Variants in LASP1NB observed in about 807,000 individuals in gnomAD.
LASP1NB encodes the protein LASP1 neighbor, also known as LASP1 neighbor protein.
chr17:38,928,246 G>A, the LASP1NB span: 1 of 151,952 alleles, frequency 6.6e-6, no homozygotes, highest in African/African-American at 2.4e-5. Flanking sequence ...AAGAATTCCA[G>A]ACCAGCCCAG....
At chr17:38,926,671 C>A in the LASP1NB span, 2 of 152,164 alleles carry the variant, frequency 1.3e-5, no homozygotes, top group Non-Finnish European at 2.9e-5. Context: ...TGGAGAACTG[C>A]TCAAAAATTC....
At chr17:38,926,921 T>C in the LASP1NB span, 1 of 152,166 alleles carries the variant, frequency 6.6e-6, no homozygotes, top group African/African-American at 2.4e-5. Context: ...GAAGAACTTG[T>C]CATTTGAGTT....
At chr17:38,927,704 T>G in the LASP1NB span, 4 of 152,108 alleles carry the variant, frequency 2.6e-5, no homozygotes, top group African/African-American at 9.7e-5. Context: ...AAACAAAAAT[T>G]GAGGCATTAT....
the LASP1NB span, chr17:38,928,276 G>C: frequency 2.0e-5 from 3 of 151,798 alleles, no homozygotes; most frequent in African/African-American, 4.8e-5. Flanking sequence ...CGAGACCCCC[G>C]TCTCCACAAA....
At chr17:38,929,158 CTT>C in the LASP1NB span, 2 of 152,078 alleles carry the variant, frequency 1.3e-5, no homozygotes, top group African/African-American at 4.8e-5. Context: ...AATTATATGA[CTT>C]TGTGCTTATA....
At chr17:38,929,308 T>C in the LASP1NB span, 11 of 152,312 alleles carry the variant, frequency 7.2e-5, no homozygotes, top group East Asian at 1.9e-4. Context: ...CTCTGTAATA[T>C]AAGATTTTGT....
the LASP1NB span, chr17:38,925,952 T>C: frequency 5.2e-6 from 2 of 387,000 alleles, no homozygotes; most frequent in South Asian, 1.4e-4. Flanking sequence ...CTATTTTTTT[T>C]CTTAGACCAC....
chr17:38,926,337 T>C, the LASP1NB span: 1 of 152,160 alleles, frequency 6.6e-6, no homozygotes, highest in African/African-American at 2.4e-5. Flanking sequence ...AACTGTGGGA[T>C]ATGGTGGAGA....
chr17:38,929,050 C>T, the LASP1NB span: 1 of 151,958 alleles, frequency 6.6e-6, no homozygotes, highest in Non-Finnish European at 1.5e-5. Flanking sequence ...TGATATATAC[C>T]ACTGGTATTG....
At chr17:38,929,053 T>A in the LASP1NB span, 1 of 152,210 alleles carries the variant, frequency 6.6e-6, no homozygotes, top group African/African-American at 2.4e-5. Context: ...TATATACCAC[T>A]GGTATTGGGT....
chr17:38,928,634 G>A, the LASP1NB span: 1 of 152,088 alleles, frequency 6.6e-6, no homozygotes, highest in Non-Finnish European at 1.5e-5. Context: ...ATACTGCATC[G>A]TGGTATGTAG....
At chr17:38,928,459 A>G in the LASP1NB span, 1 of 152,278 alleles carries the variant, frequency 6.6e-6, no homozygotes, top group Admixed American at 6.5e-5. Flanking sequence ...TTTTCTGAAT[A>G]TTCTTCCCAA....
At chr17:38,925,862 G>A in the LASP1NB span, 6 of 397,758 alleles carry the variant, frequency 1.5e-5, no homozygotes, top group South Asian at 3.9e-4. Flanking sequence ...CTGACGCACC[G>A]GTGGATTTTT....
chr17:38,928,902 T>C, the LASP1NB span: 2 of 152,236 alleles, frequency 1.3e-5, no homozygotes, highest in South Asian at 2.1e-4. Context: ...TATGATGGTA[T>C]AGATCTTTAA....
the LASP1NB span, chr17:38,925,694 A>G: frequency 7.5e-6 from 3 of 398,444 alleles, no homozygotes; most frequent in African/African-American, 2.1e-5. Context: ...GGAATCCACA[A>G]TGCTGGATAT....
the LASP1NB span, chr17:38,925,786 G>A: frequency 5.0e-6 from 2 of 398,490 alleles, no homozygotes; most frequent in Non-Finnish European, 8.8e-6. Flanking sequence ...CTGGAGCTGC[G>A]GCCGGAGCCT....
At chr17:38,926,138 C>G in the LASP1NB span, among the ~76,000 whole-genome samples, 2 of 152,132 alleles carry the variant, frequency 1.3e-5, no homozygotes, top group Admixed American at 6.6e-5. Context: ...GTTAGGTGCT[C>G]AAACTCAAGT....
the LASP1NB span, among the ~76,000 whole-genome samples, chr17:38,926,233 G>T: frequency 6.6e-6 from 1 of 152,148 alleles, no homozygotes; most frequent in Non-Finnish European, 1.5e-5. Flanking sequence ...AACTATGCTT[G>T]TATAATTGCA....
chr17:38,927,828 A>G, the LASP1NB span: 1 of 152,140 alleles, frequency 6.6e-6, no homozygotes, highest in Non-Finnish European at 1.5e-5. Context: ...GGATCACTTG[A>G]GGTCGGGAGT....
Sources: allele counts gnomAD v4.1 joint callset (sites outside exome capture counted in the v4.1 genomes callset), GRCh38; gene constraint gnomAD v4.1.1; transcripts MANE v1.5; gene names NCBI Gene and HGNC (gene_info 2026-07-23, HGNC 2026-07-21).